USP11: variants seen among roughly 807,000 people sequenced by gnomAD.
The protein encoded by USP11 is ubiquitin carboxyl-terminal hydrolase 11.
In USP11, 5 loss-of-function variants were observed where a neutral mutation model predicts 72.8. The ratio of observed to expected loss-of-function variants is 0.07; its 90% CI spans 0.04 to 0.14. The LOEUF is 0.14. Ranked by LOEUF, USP11 falls within the 10% of genes least tolerant of loss-of-function variation. The pLI is 1.00. For synonymous variants in USP11, 368 were observed against 326.5 expected, an observed-to-expected ratio of 1.13 and a Z score of -1.37; for missense variants, 480 against 794.7, an observed-to-expected ratio of 0.60 and a Z score of 4.76.
At position 47,239,819 on chromosome X, in the gene USP11, C is replaced by G. The variant is rs148515528; in HGVS notation, c.447C>G (p.Val149=). ...KVIELPNIQK[V]EVYPVELLLV... is the part of the protein sequence containing the mutation. ...TAGAGCTGCCCAACATCCAGAAGGT[C>G]GAAGTGTACCCAGTAGAACTGCTGC... The change falls in exon 4 of 21, where the codon GTC becomes GTG. Residue 149 remains valine, a synonymous_variant. Coordinates refer to ENST00000377107, the MANE Select transcript of USP11 (RefSeq NM_001371072.1). 8.3e-7 allele frequency: 1 copy of G among 1,211,640 alleles called. No homozygotes were observed. Among genetic ancestry groups the G allele is most frequent in the Admixed American group, 2.2e-5 (1 of 46,023 alleles).
At chrX:47,242,923 T>G (rs2055411049) in intron 12 of USP11, among the ~76,000 whole-genome samples, 1 of 111,332 alleles carries the variant, frequency 9.0e-6, no homozygotes, top group South Asian at 3.8e-4. Flanking sequence ...TGAGCCAAGA[T>G]CACGCCACTG....
chrX:47,240,978 G>A, intron 7 of USP11, 102 bp downstream of exon 7: 2 of 856,234 alleles, frequency 2.3e-6, no homozygotes, highest in Non-Finnish European at 3.3e-6. Context: ...CAGGGCAAGG[G>A]GTCAGGATGA....
At chrX:47,236,844 TATA>T (rs2055374459) in intron 1 of USP11, among the ~76,000 whole-genome samples, 1 of 112,021 alleles carries the variant, frequency 8.9e-6, no homozygotes, top group Non-Finnish European at 1.9e-5. Flanking sequence ...CAGCTGTAAA[TATA>T]ATAATTTGGG....
At chrX:47,245,507 G>C in intron 17 of USP11, 25 bp downstream of exon 17, 2 of 1,029,562 alleles carry the variant, frequency 1.9e-6, no homozygotes, top group Non-Finnish European at 2.7e-6. Flanking sequence ...CGGGGCCTGT[G>C]TGTGGGGGTT....
chrX:47,233,258 G>C, intron 1 of USP11, 39 bp downstream of exon 1: 1 of 1,129,601 alleles, frequency 8.9e-7, no homozygotes, highest in Non-Finnish European at 1.2e-6. Flanking sequence ...CAGAGGGAAC[G>C]GTGGGGGCAT....
At chrX:47,239,025 C>T (rs2055388959) in intron 1 of USP11, 45 bp from the exon 2 acceptor site, 29 of 1,015,473 alleles carry the variant, frequency 2.9e-5, no homozygotes, top group Non-Finnish European at 3.8e-5. Flanking sequence ...TATAGCTAAC[C>T]CTCAGCTACC....
At chrX:47,246,263 C>G (rs1467300885) in intron 17 of USP11, among the ~76,000 whole-genome samples, 1 of 112,430 alleles carries the variant, frequency 8.9e-6, no homozygotes, top group Non-Finnish European at 1.9e-5. Context: ...TTGCTTCTAC[C>G]TGTTTATAAT....
In USP11 at chrX:47,247,882, C is replaced by T. The variant is rs2055444506; in HGVS notation, c.2715C>T (p.Ser905=). The T allele has an allele frequency of 5.8e-6, 7 of 1,206,785 alleles. No homozygotes were observed. Among genetic ancestry groups the T allele is most frequent in the Non-Finnish European group, 7.8e-6 (7 of 894,021 alleles). Residue 905 remains serine (S), a synonymous_variant, in exon 21 of 21, where the codon TCC becomes TCT. Coordinates refer to ENST00000377107, the MANE Select transcript of USP11 (RefSeq NM_001371072.1). ...SPAGSSGAPA[S]PACSSPPSSE... is the part of the protein sequence containing the mutation. ...CCGGCTCATCTGGCGCCCCAGCCTC[C>T]CCTGCCTGCAGCTCCCCACCCAGCT...
At chrX:47,233,892 C>A (rs1240884750) in intron 1 of USP11, 1 of 112,226 alleles carries the variant, frequency 8.9e-6, no homozygotes, top group African/African-American at 3.3e-5. Flanking sequence ...GGAAGCCTTC[C>A]CGAGTCGAGA....
intron 11 of USP11, 47 bp from the exon 12 acceptor site, chrX:47,242,579 G>C: frequency 8.3e-7 from 1 of 1,205,399 alleles, no homozygotes; most frequent in Non-Finnish European, 1.1e-6. Flanking sequence ...AGAAGGGCCT[G>C]GGAGGCCGTG....
chrX:47,233,330 C>A, intron 1 of USP11, 111 bp downstream of exon 1: 1 of 95,170 alleles, frequency 1.1e-5, no homozygotes, highest in Non-Finnish European at 1.3e-5. Context: ...GGTGCGGGGG[C>A]GGGGGAGTGG....
Position 47,237,775 on chromosome X carries a change from G to GGTGT in USP11, c.177-1288_177-1285dup, listed in dbSNP as rs1428419266. Among the ~76,000 whole-genome samples, 359 of 99,192 alleles carry GGTGT rather than the reference G, an allele frequency of 3.6e-3. 7 individuals carry two copies. Among genetic ancestry groups the GGTGT allele is most frequent in the African/African-American group, 0.014 (336 of 24,818 alleles). 86.1% of individuals were successfully genotyped at this position (99,192 alleles called of 115,157 possible). A position where few individuals can be genotyped will look rare whatever the true frequency, so the allele number is the denominator to read the frequency against. ...GTGTCAGAAATGCCACAGCAGAACA[G>GGTGT]GTGTGTGTGTATGTGTGTGTGTGTG... On this transcript the variant is annotated intron_variant, in intron 1 of 20. Coordinates refer to ENST00000377107, the MANE Select transcript of USP11 (RefSeq NM_001371072.1).
rs375594809 is a variant in USP11, at chrX:47,240,985, A to G, written c.846+109A>G. The G allele has an allele frequency of 8.7e-6, 7 of 802,600 alleles. No individual in the cohort carries two copies. The East Asian group carries it at 1.0e-4, about 12-fold the overall frequency. The allele number at this position is 802,600 out of a possible 1,213,427, so 66.1% of individuals were successfully genotyped here. On this transcript the variant is annotated intron_variant, in intron 7 of 20. Coordinates refer to ENST00000377107, the MANE Select transcript of USP11 (RefSeq NM_001371072.1). ...GGGGACTACAGGGCAAGGGGTCAGG[A>G]TGAAAGCTGAGGCCCCACAAGTCTG...
chrX:47,239,634 G>A (rs2055392019), intron 3 of USP11, 153 bp downstream of exon 3: 2 of 992,518 alleles, frequency 2.0e-6, no homozygotes, highest in Non-Finnish European at 2.8e-6. Flanking sequence ...TTTGTCTGCT[G>A]TGTGTGTTCC....
chrX:47,239,689 T>C (rs2055392244), intron 3 of USP11, 101 bp from the exon 4 acceptor site: 1 of 997,766 alleles, frequency 1.0e-6, no homozygotes. Context: ...TGTGTTTGTA[T>C]GCTATGTTTG....
intron 12 of USP11, 98 bp downstream of exon 12, chrX:47,242,818 T>C: frequency 1.5e-6 from 1 of 674,460 alleles, no homozygotes; most frequent in Non-Finnish European, 2.4e-6. Context: ...TCCCTGCCTC[T>C]GCCTCGTTCA....
chrX:47,237,866 C>T (rs1455821527), intron 1 of USP11, among the ~76,000 whole-genome samples: 1 of 107,451 alleles, frequency 9.3e-6, no homozygotes, highest in African/African-American at 3.4e-5. Context: ...GCTTTTATGT[C>T]CAAGTCCTGA....
intron 10 of USP11, 58 bp downstream of exon 10, chrX:47,242,364 G>A: frequency 1.7e-6 from 2 of 1,204,259 alleles, no homozygotes; most frequent in South Asian, 3.5e-5. Flanking sequence ...TTGATTAGCT[G>A]CCATAGCTCA....
At position 47,243,531 on chromosome X, in the gene USP11, C is replaced by T; in HGVS notation, c.1719C>T (p.Pro573=). 1.7e-6 allele frequency: 2 copies of T among 1,211,932 alleles called. No individual in the cohort carries two copies. Among genetic ancestry groups the T allele is most frequent in the Non-Finnish European group, 2.2e-6 (2 of 895,572 alleles). Residue 573 remains proline (P), a synonymous_variant, in exon 13 of 21, where the codon CCC becomes CCT. Coordinates refer to ENST00000377107, the MANE Select transcript of USP11 (RefSeq NM_001371072.1). The part of the protein sequence containing the change: ...SYYGLMLFGH[P]LLVSVPRDRF... ...ACGGCCTGATGCTTTTTGGACACCCCCTCCTGGTATCAGTGCCCCGGGACC... is the reference window on the plus strand; with the variant it reads ...ACGGCCTGATGCTTTTTGGACACCCTCTCCTGGTATCAGTGCCCCGGGACC...
Sources: gnomAD v4.1 joint callset for allele counts (sites outside exome capture counted in the v4.1 genomes callset) on GRCh38, gnomAD v4.1.1 for gene constraint, MANE v1.5 for transcripts, NCBI Gene and HGNC (gene_info 2026-07-23, HGNC 2026-07-21) for gene names.